The following SNAP91 variants were observed in gnomAD, a reference collection of about 807,000 sequenced individuals.
The protein encoded by SNAP91 is clathrin coat assembly protein AP180.
In SNAP91, 27 loss-of-function variants were observed where a neutral mutation model predicts 100.3. That is an observed-to-expected ratio of 0.27 (90% CI 0.20 to 0.37). The LOEUF (loss-of-function observed/expected upper bound fraction) is 0.37, where lower values mean the gene tolerates loss of function less well. Among genes scored for constraint, SNAP91 ranks in the 10% least tolerant of loss-of-function variants. The probability of loss-of-function intolerance (pLI) is 1.00; values close to 1 mark genes in which losing one functional copy is unlikely to be tolerated. For synonymous variants in SNAP91, 404 were observed against 398.6 expected (o/e 1.01, Z -0.16); for missense variants, 986 against 1,123.7 (o/e 0.88, Z 1.75).
intron 26 of SNAP91, among the ~76,000 whole-genome samples, chr6:83,570,992 C>A (rs1806455369): frequency 6.6e-6 from 1 of 152,106 alleles, no homozygotes; most frequent in African/African-American, 2.4e-5. Context: ...ACAGCTTACA[C>A]CATGGTCCTG....
chr6:83,555,992 C>G (rs971738673), intron 29 of SNAP91, among the ~76,000 whole-genome samples, 151 bp downstream of exon 29: 2 of 151,940 alleles, frequency 1.3e-5, no homozygotes, highest in East Asian at 3.9e-4. Flanking sequence ...TTAAAGAGAG[C>G]TTTTAATATC....
intron 2 of SNAP91, among the ~76,000 whole-genome samples, chr6:83,693,132 T>C (rs1217965899): frequency 6.6e-6 from 1 of 152,172 alleles, no homozygotes; most frequent in Non-Finnish European, 1.5e-5. Context: ...AAAATCACTA[T>C]GTAAAAGAAA....
intron 11 of SNAP91, among the ~76,000 whole-genome samples, chr6:83,613,971 C>T (rs760663734): frequency 6.6e-6 from 1 of 152,146 alleles, no homozygotes; most frequent in Non-Finnish European, 1.5e-5. Flanking sequence ...GTAATCTACT[C>T]TAAATTCTGT....
At chr6:83,605,000 C>G (rs546708109) in intron 14 of SNAP91, among the ~76,000 whole-genome samples, 2 of 152,042 alleles carry the variant, frequency 1.3e-5, no homozygotes, top group East Asian at 3.9e-4. Flanking sequence ...TATTTAAAAC[C>G]AACTCTTTGC....
At chr6:83,639,021 C>T (rs1415245190) in intron 8 of SNAP91, among the ~76,000 whole-genome samples, 1 of 152,190 alleles carries the variant, frequency 6.6e-6, no homozygotes, top group Non-Finnish European at 1.5e-5. Flanking sequence ...GTTTTCTGTA[C>T]TTCAAGCAAT....
At chr6:83,576,689 C>T (rs955647757) in intron 24 of SNAP91, among the ~76,000 whole-genome samples, 4 of 152,218 alleles carry the variant, frequency 2.6e-5, no homozygotes, top group Non-Finnish European at 4.4e-5. Flanking sequence ...CTCTGCTTGT[C>T]TTTTCCCCTT....
intron 2 of SNAP91, among the ~76,000 whole-genome samples, chr6:83,694,476 T>C (rs1038502484): frequency 7.9e-5 from 12 of 152,160 alleles, no homozygotes; most frequent in African/African-American, 2.7e-4. Flanking sequence ...CCCAACAATG[T>C]AGTTCTGGTT....
rs183420056 is a variant in SNAP91, at chr6:83,683,117, G to A, written c.131-17536C>T. Among the ~76,000 whole-genome samples the A allele has an allele frequency of 2.6e-3, 396 of 152,122 alleles. 1 individual carries two copies. The highest frequency in any genetic ancestry group is 4.0e-3 in the Non-Finnish European group (275 of 68,000). On this transcript the variant is annotated intron_variant, in intron 2 of 29. Coordinates refer to ENST00000369694, the MANE Select transcript of SNAP91 (RefSeq NM_001242792.2). ...CTAGTTTTTAAAAGTCATATTTCCT[G>A]GGATTTGGGAAAACCACCCTTTTCT...
intron 14 of SNAP91, among the ~76,000 whole-genome samples, chr6:83,601,807 C>A (rs1214349395): frequency 6.6e-6 from 1 of 152,144 alleles, no homozygotes; most frequent in African/African-American, 2.4e-5. Context: ...TCCTCTAGAC[C>A]AAGTTTCACC....
chr6:83,568,253 C>T (rs189912525), intron 26 of SNAP91, among the ~76,000 whole-genome samples: 1 of 152,064 alleles, frequency 6.6e-6, no homozygotes, highest in East Asian at 1.9e-4. Flanking sequence ...GGACAAAAAA[C>T]CAAACACCGC....
At chr6:83,677,826 G>A (rs2098931520) in intron 2 of SNAP91, among the ~76,000 whole-genome samples, 1 of 152,130 alleles carries the variant, frequency 6.6e-6, no homozygotes, top group Non-Finnish European at 1.5e-5. Flanking sequence ...AAATTTACAG[G>A]AATAGAACTT....
intron 26 of SNAP91, among the ~76,000 whole-genome samples, chr6:83,565,273 T>C (rs959697904): frequency 6.6e-6 from 1 of 152,100 alleles, no homozygotes; most frequent in Non-Finnish European, 1.5e-5. Context: ...CAAAAGTTCA[T>C]CACCAGAGAT....
rs11451494 is a variant in SNAP91 at position 83,612,894 on chromosome 6, CA to C, written c.884+1962del. On this transcript the variant is annotated intron_variant, in intron 11 of 29. Coordinates refer to ENST00000369694, the MANE Select transcript of SNAP91 (RefSeq NM_001242792.2). ...TAGGAGACAGAGCGAGACTCAGTCTCAAAAAAAAAAAAAAAAAATATCAACA... is the reference window on the plus strand; with the variant it reads ...TAGGAGACAGAGCGAGACTCAGTCTCAAAAAAAAAAAAAAAAATATCAACA... Among the ~76,000 whole-genome samples the C allele has an allele frequency of 1.9e-3, 175 of 94,266 alleles. 1 individual carries two copies. Among genetic ancestry groups the C allele is most frequent in the South Asian group, 6.8e-3 (16 of 2,366 alleles). The allele number at this position is 94,266 out of a possible 152,430, so 61.8% of individuals were successfully genotyped here.
intron 7 of SNAP91, among the ~76,000 whole-genome samples, chr6:83,649,869 G>A (rs1466288095): frequency 1.3e-5 from 2 of 152,018 alleles, no homozygotes; most frequent in Admixed American, 6.6e-5. Flanking sequence ...GATTACAGGC[G>A]TGAGCCACCA....
chr6:83,647,739 G>A (rs1434222456), intron 7 of SNAP91, among the ~76,000 whole-genome samples: 4 of 151,064 alleles, frequency 2.6e-5, no homozygotes, highest in African/African-American at 9.8e-5. Flanking sequence ...TGTCTTGACA[G>A]TTATATGCAA....
intron 2 of SNAP91, among the ~76,000 whole-genome samples, chr6:83,683,019 G>T (rs2099013284): frequency 6.6e-6 from 1 of 151,992 alleles, no homozygotes; most frequent in African/African-American, 2.4e-5. Context: ...TCCAGGGTCA[G>T]CTGTGTCCTC....
intron 11 of SNAP91, chr6:83,611,403 A>T (rs1326064595): frequency 2.2e-6 from 1 of 455,158 alleles, no homozygotes; most frequent in Non-Finnish European, 4.4e-6. Flanking sequence ...CACTTCTAGG[A>T]AAGTGCTTCA....
At position 83,593,113 on chromosome 6, in the gene SNAP91, G is replaced by A. The variant is rs1383962028; in HGVS notation, c.1774+69C>T. On this transcript the variant is annotated intron_variant, in intron 19 of 29. Transcript: ENST00000369694. ...CTAACAAATGCATTATCACAGGTGAGTACAAAGAGCTTAATCAGGAAAACA... is the reference window on the plus strand; with the variant it reads ...CTAACAAATGCATTATCACAGGTGAATACAAAGAGCTTAATCAGGAAAACA... The A allele has an allele frequency of 2.6e-6, 4 of 1,514,240 alleles. No individual in the cohort carries two copies. In the African/African-American group the frequency reaches 4.2e-5, roughly 16 times the overall value. 93.8% of individuals were successfully genotyped at this position (1,514,240 alleles called of 1,614,324 possible).
intron 2 of SNAP91, among the ~76,000 whole-genome samples, chr6:83,671,128 G>A (rs1280707273): frequency 6.6e-6 from 1 of 151,856 alleles, no homozygotes; most frequent in African/African-American, 2.4e-5. Context: ...ACAATATTGA[G>A]TTTTACAATC....
Sources: allele counts gnomAD v4.1 joint callset (sites outside exome capture counted in the v4.1 genomes callset), GRCh38; gene constraint gnomAD v4.1.1; transcripts MANE v1.5; gene names NCBI Gene and HGNC (gene_info 2026-07-23, HGNC 2026-07-21).